Variants in NLRC4 observed in about 807,000 individuals in gnomAD.
NLRC4 encodes NLR family CARD domain-containing protein 4.
Under a neutral mutation model 79.9 loss-of-function variants are expected in NLRC4, and 63 were observed. That is an observed-to-expected ratio of 0.79 (90% CI 0.64 to 0.97). NLRC4 has a LOEUF of 0.97. Ranked by LOEUF, NLRC4 falls within the 50% of genes least tolerant of loss-of-function variation. The pLI is 0.00. For synonymous variants in NLRC4, 461 were observed against 456.5 expected, an observed-to-expected ratio of 1.01 and a Z score of -0.12; for missense variants, 1,074 against 1,215.2, an observed-to-expected ratio of 0.88 and a Z score of 1.73.
intron 4 of NLRC4, among the ~76,000 whole-genome samples, chr2:32,248,096 A>G (rs1272608708): frequency 1.3e-5 from 2 of 152,176 alleles, no homozygotes; most frequent in South Asian, 2.1e-4. Flanking sequence ...CCACCACGAA[A>G]TATATCGATA....
chr2:32,232,866 G>A (rs1686570698), intron 8 of NLRC4, among the ~76,000 whole-genome samples: 1 of 152,120 alleles, frequency 6.6e-6, no homozygotes, highest in Admixed American at 6.6e-5. Context: ...TATTTTGCAG[G>A]TAGAACAATT....
At chr2:32,255,538 A>G (rs866238824) in intron 2 of NLRC4, among the ~76,000 whole-genome samples, 1 of 125,876 alleles carries the variant, frequency 7.9e-6, no homozygotes, top group African/African-American at 3.0e-5. Context: ...AAAAAAAAAA[A>G]TAAGAAATAC....
intron 4 of NLRC4, among the ~76,000 whole-genome samples, chr2:32,246,209 A>T (rs182154372): frequency 6.6e-6 from 1 of 152,204 alleles, no homozygotes; most frequent in Non-Finnish European, 1.5e-5. Context: ...AAATAAAGTA[A>T]ATACTTTTTT....
intron 5 of NLRC4, among the ~76,000 whole-genome samples, chr2:32,238,574 G>A (rs1187388980): frequency 6.6e-6 from 1 of 151,964 alleles, no homozygotes; most frequent in African/African-American, 2.4e-5. Flanking sequence ...CTTTTTAATG[G>A]GCATCAATGT....
chr2:32,225,445 G>C (rs986496232), intron 8 of NLRC4, among the ~76,000 whole-genome samples: 2 of 136,086 alleles, frequency 1.5e-5, no homozygotes, highest in Admixed American at 7.4e-5. Context: ...GTGTGTGTGT[G>C]TATACATACA....
chr2:32,233,345 A>T (rs1374099268), intron 8 of NLRC4, among the ~76,000 whole-genome samples: 96 of 63,728 alleles, frequency 1.5e-3, no homozygotes, highest in Non-Finnish European at 2.0e-3. Context: ...ATATATATAT[A>T]TATATTTTTT....
rs940270044 is a variant in NLRC4 at position 32,249,747 on chromosome 2, A to C, written c.2117T>G (p.Leu706Trp). The C allele has an allele frequency of 6.2e-7, 1 of 1,614,244 alleles. No individual in the cohort carries two copies. The highest frequency in any genetic ancestry group is 1.3e-5 in the African/African-American group (1 of 75,068). The change falls in exon 4 of 9, where the codon TTG becomes TGG. Residue 706 changes from leucine (L) to tryptophan (W), a missense_variant. By Grantham distance (61) the Leu-to-Trp change is moderately conservative (BLOSUM62 -2). Transcript: ENST00000402280. ...RCAGVAGSLS[L>W]VLSTCKNIYS... ...AATGTTCTTACAGGTGCTGAGGACCAAACTGAGGCTTCCAGCCACACCAGC... is the reference window on the plus strand; with the variant it reads ...AATGTTCTTACAGGTGCTGAGGACCCAACTGAGGCTTCCAGCCACACCAGC...
chr2:32,252,178 C>G (rs1430179260), intron 3 of NLRC4, among the ~76,000 whole-genome samples: 1 of 152,178 alleles, frequency 6.6e-6, no homozygotes, highest in Non-Finnish European at 1.5e-5. Flanking sequence ...TTTTATCTTG[C>G]AGTGAGACAA....
intron 8 of NLRC4, among the ~76,000 whole-genome samples, chr2:32,227,679 T>C (rs778491327): frequency 1.2e-4 from 18 of 152,228 alleles, no homozygotes; most frequent in Non-Finnish European, 2.5e-4. Flanking sequence ...TATAAGGATC[T>C]TATCATCAAT....
At chr2:32,238,422 C>T in intron 5 of NLRC4, 120 bp from the exon 6 acceptor site, 1 of 801,158 alleles carries the variant, frequency 1.2e-6, no homozygotes, top group Non-Finnish European at 1.9e-6. Flanking sequence ...GTTCTTCCTG[C>T]AGCGACTTTA....
chr2:32,243,112 AAAAG>A (rs1229772331), intron 4 of NLRC4, among the ~76,000 whole-genome samples: 40 of 152,010 alleles, frequency 2.6e-4, no homozygotes, highest in Admixed American at 7.2e-4. Context: ...GACGGAAAAG[AAAAG>A]AAAGAAAATT....
chr2:32,261,809 G>A (rs1265338), intron 1 of NLRC4, among the ~76,000 whole-genome samples: 2 of 151,974 alleles, frequency 1.3e-5, no homozygotes, highest in Non-Finnish European at 2.9e-5. Flanking sequence ...GCAGCCAGGC[G>A]CGGTGGCTCA....
rs199475956 is a variant in NLRC4, at chr2:32,250,294, C to T, written c.1570G>A (p.Ala524Thr). The T allele has an allele frequency of 2.0e-5, 32 of 1,614,126 alleles. No individual in the cohort carries two copies. The highest frequency in any genetic ancestry group is 4.4e-5 in the South Asian group (4 of 91,082). The change falls in exon 4 of 9, where the codon GCC becomes ACC. Residue 524 changes from alanine (A) to threonine (T), a missense_variant. By Grantham distance (58) the Ala-to-Thr change is moderately conservative (BLOSUM62 0). Transcript: ENST00000402280. The surrounding 1 kb of genome is among the most constrained non-coding windows in gnomAD (Gnocchi z 4.9). ...QHGCLLGLSI[A>T]KRPLWRQESL... ...TCCTGTCTCCAGAGAGGCCTCTTGG[C>T]GATGGAAAGTCCGAGAAGGCAGCCG...
chr2:32,253,627 A>C (rs764300898), intron 2 of NLRC4, among the ~76,000 whole-genome samples: 1 of 152,078 alleles, frequency 6.6e-6, no homozygotes, highest in Admixed American at 6.6e-5. Flanking sequence ...GCTACCATCT[A>C]TGTGACCTTG....
intron 8 of NLRC4, among the ~76,000 whole-genome samples, chr2:32,225,034 CT>C (rs900733858): frequency 4.6e-5 from 7 of 151,874 alleles, no homozygotes; most frequent in African/African-American, 1.5e-4. Context: ...AAATGAATTA[CT>C]TTTTTTTCCC....
chr2:32,241,861 AAC>A (rs1408378998), intron 4 of NLRC4, among the ~76,000 whole-genome samples: 2 of 152,188 alleles, frequency 1.3e-5, no homozygotes, highest in Admixed American at 6.5e-5. Flanking sequence ...ATCTGCAGCT[AAC>A]ACAGTGCTTA....
At chr2:32,261,045 TA>T (rs1214756634) in intron 1 of NLRC4, among the ~76,000 whole-genome samples, 2 of 151,408 alleles carry the variant, frequency 1.3e-5, no homozygotes, top group African/African-American at 4.9e-5. Context: ...TTCAAAAATT[TA>T]GCCAGGCGTG....
At chr2:32,225,661 C>G (rs1053895169) in intron 8 of NLRC4, among the ~76,000 whole-genome samples, 2 of 152,210 alleles carry the variant, frequency 1.3e-5, no homozygotes, top group Non-Finnish European at 2.9e-5. Flanking sequence ...GCCCTACCCA[C>G]CTACCTGGCC....
In NLRC4 at chr2:32,252,665, C is replaced by T. The variant is rs1687107514; in HGVS notation, c.16G>A (p.Asp6Asn). The change falls in exon 3 of 9, where the codon GAC (aspartate) becomes AAC (asparagine). Residue 6 changes from aspartate to asparagine, a missense_variant. Transcript: ENST00000402280. ...CTTTGAATAAGGGCTCGGCTATTGTCCTTTATGAAATTCACTGAGGAGATG... is the reference window on the plus strand; with the variant it reads ...CTTTGAATAAGGGCTCGGCTATTGTTCTTTATGAAATTCACTGAGGAGATG... MNFIK[D>N]NSRALIQRMG... The T allele has an allele frequency of 6.2e-7, 1 of 1,612,906 alleles. No individual in the cohort carries two copies. The highest frequency in any genetic ancestry group is 8.5e-7 in the Non-Finnish European group (1 of 1,178,936).
Sources: allele counts gnomAD v4.1 joint callset (sites outside exome capture counted in the v4.1 genomes callset), GRCh38; gene constraint gnomAD v4.1.1; non-coding constraint Gnocchi (gnomAD v3.1); transcripts MANE v1.5; gene names NCBI Gene and HGNC (gene_info 2026-07-23, HGNC 2026-07-21).